DHTKD1: variants seen among roughly 807,000 people sequenced by gnomAD.
The protein encoded by DHTKD1 is dehydrogenase E1 and transketolase domain containing 1.
Under a neutral mutation model 101.8 loss-of-function variants are expected in DHTKD1, and 78 were observed. The ratio of observed to expected loss-of-function variants is 0.77; its 90% CI spans 0.64 to 0.93. The LOEUF (loss-of-function observed/expected upper bound fraction) is 0.93. Among genes scored for constraint, DHTKD1 ranks in the 40% least tolerant of loss-of-function variants. DHTKD1 has a pLI of 0.00. For missense variants in DHTKD1, 1,223 were observed against 1,161.7 expected (o/e 1.05, Z -0.77); for synonymous variants, 462 against 450.3 (o/e 1.03, Z -0.33).
Position 12,120,845 on chromosome 10 carries a change from A to G in DHTKD1, c.2717A>G (p.His906Arg). The change falls in exon 17 of 17, where the codon CAC (histidine) becomes CGC (arginine). Residue 906 changes from histidine to arginine, a missense_variant. Coordinates refer to ENST00000263035, the MANE Select transcript of DHTKD1 (RefSeq NM_018706.7). ...PVPAVGIGTV[H>R]LHQHEDILAK... ...CCCGCTGTAGGAATTGGCACAGTTC[A>G]CTTGCACCAGCATGAAGATATCCTC... 3.1e-6 allele frequency: 5 copies of G among 1,614,080 alleles called. No individual in the cohort carries two copies. Among genetic ancestry groups the G allele is most frequent in the Non-Finnish European group, 3.4e-6 (4 of 1,179,980 alleles).
intron 1 of DHTKD1, among the ~76,000 whole-genome samples, chr10:12,077,031 G>T (rs1832743669): frequency 1.4e-5 from 2 of 146,962 alleles, no homozygotes; most frequent in African/African-American, 2.5e-5. Context: ...TTTCTACATA[G>T]GATTATCACT....
At chr10:12,115,532 C>T (rs1833402723) in intron 13 of DHTKD1, among the ~76,000 whole-genome samples, 1 of 152,148 alleles carries the variant, frequency 6.6e-6, no homozygotes, top group African/African-American at 2.4e-5. Flanking sequence ...CTCACCCTAG[C>T]CTGGCCCTGG....
chr10:12,082,279 AG>A, intron 2 of DHTKD1, among the ~76,000 whole-genome samples: 1 of 152,172 alleles, frequency 6.6e-6, no homozygotes, highest in Admixed American at 6.6e-5. Context: ...ATAGCTGCTC[AG>A]TGGCAGAGGT....
chr10:12,093,477 C>G (rs1000584979), intron 6 of DHTKD1, among the ~76,000 whole-genome samples: 1 of 152,188 alleles, frequency 6.6e-6, no homozygotes, highest in Non-Finnish European at 1.5e-5. Context: ...ACCACTGTGC[C>G]AGGCTGAAAT....
At chr10:12,088,344 C>T (rs1363471650) in intron 4 of DHTKD1, among the ~76,000 whole-genome samples, 2 of 151,664 alleles carry the variant, frequency 1.3e-5, no homozygotes, top group African/African-American at 4.8e-5. Flanking sequence ...TTAGGTGGTG[C>T]ACCTATGGTT....
chr10:12,109,452 G>A (rs183240688), intron 12 of DHTKD1, among the ~76,000 whole-genome samples: 40 of 150,978 alleles, frequency 2.6e-4, no homozygotes, highest in Non-Finnish European at 1.5e-5. Context: ...ATACAGTTTC[G>A]GAGTCATCAG....
chr10:12,091,522 G>A lies in DHTKD1; in HGVS notation c.997G>A (p.Asp333Asn). The A allele has an allele frequency of 1.9e-6, 3 of 1,601,084 alleles. No individual in the cohort carries two copies. Among genetic ancestry groups the A allele is most frequent in the Non-Finnish European group, 8.5e-7 (1 of 1,173,272 alleles). ...DRVICLQVHG[D>N]ASFCGQGIVP... The stretch of plus-strand genomic sequence containing the variant: ...TTGCCTCATGATTTAGGTCCATGGT[G>A]ATGCTTCTTTCTGTGGTCAAGGGAT... The change falls in exon 6 of 17, where the codon GAT becomes AAT. Residue 333 changes from aspartate (D) to asparagine (N), a missense_variant. Coordinates refer to ENST00000263035, the MANE Select transcript of DHTKD1 (RefSeq NM_018706.7).
Position 12,069,186 on chromosome 10 carries a change from A to G in DHTKD1, c.153A>G (p.Pro51=). Residue 51 remains proline, a splice_region_variant and synonymous_variant, in exon 1 of 17, where the codon CCA becomes CCG. Coordinates refer to ENST00000263035, the MANE Select transcript of DHTKD1 (RefSeq NM_018706.7). ...CCCAGGGCGCCCTGGAGCGCCCCCC[A>G]GGTCGGGGATGGGGCCCGGGCGGTG... ...REPQGALERP[P]VDHGLARLVT... is the part of the protein sequence containing the mutation. The G allele has an allele frequency of 6.5e-7, 1 of 1,544,976 alleles. No individual in the cohort carries two copies. Among genetic ancestry groups the G allele is most frequent in the Non-Finnish European group, 8.7e-7 (1 of 1,145,986 alleles).
At chr10:12,112,184 G>A (rs528509563) in intron 12 of DHTKD1, among the ~76,000 whole-genome samples, 179 of 152,186 alleles carry the variant, frequency 1.2e-3, no homozygotes, top group African/African-American at 4.2e-3. Flanking sequence ...TGTGGTAGCA[G>A]GCACCTGTAG....
In DHTKD1 at chr10:12,100,276, T is replaced by C; in HGVS notation, c.1756+14T>C. 8.6e-7 allele frequency: 1 copy of C among 1,161,450 alleles called. No homozygotes were observed. The highest frequency in any genetic ancestry group is 1.2e-6 in the Non-Finnish European group (1 of 829,110). The allele number at this position is 1,161,450 out of a possible 1,614,324, so 71.9% of individuals were successfully genotyped here. A position where few individuals can be genotyped will look rare whatever the true frequency, so the allele number is the denominator to read the frequency against. On this transcript the variant is annotated intron_variant, in intron 9 of 16. Coordinates refer to ENST00000263035, the MANE Select transcript of DHTKD1 (RefSeq NM_018706.7). The stretch of plus-strand genomic sequence containing the variant: ...TACTTGCTCAAGGTAAGAATTTTCT[T>C]TTTTTTTTCTGTTTTTTTTTTTTTT...
At chr10:12,108,866 C>A (rs760648958) in intron 12 of DHTKD1, among the ~76,000 whole-genome samples, 9 of 152,164 alleles carry the variant, frequency 5.9e-5, no homozygotes, top group Non-Finnish European at 8.8e-5. Context: ...TAAATGGAGA[C>A]ATTAGCCGGG....
chr10:12,085,616 C>T (rs1832885255), intron 3 of DHTKD1, among the ~76,000 whole-genome samples: 1 of 152,062 alleles, frequency 6.6e-6, no homozygotes, highest in South Asian at 2.1e-4. Flanking sequence ...CAGTGGCTCG[C>T]GCCTGTCATC....
rs746665026 is a variant in DHTKD1 at position 12,118,841 on chromosome 10, T to G, written c.2495T>G (p.Ile832Ser). The G allele has an allele frequency of 1.9e-6, 3 of 1,608,858 alleles. No individual in the cohort carries two copies. The South Asian group carries it at 3.3e-5, about 18-fold the overall frequency. The change falls in exon 15 of 17, where the codon ATC becomes AGC. Residue 832 changes from isoleucine (I) to serine (S), a missense_variant. Coordinates refer to ENST00000263035, the MANE Select transcript of DHTKD1 (RefSeq NM_018706.7). ...GGGGCCAAGAAGCATGACTTTGCCATCATCCGAGTAGAGGAACTCTGCCCC... is the reference window on the plus strand; with the variant it reads ...GGGGCCAAGAAGCATGACTTTGCCAGCATCCGAGTAGAGGAACTCTGCCCC... ...SLGAKKHDFA[I>S]IRVEELCPFP...
rs1386144908 is a variant in DHTKD1, at chr10:12,081,584, C to T, written c.267C>T (p.Ile89=). The T allele has an allele frequency of 6.2e-7, 1 of 1,614,036 alleles. No individual in the cohort carries two copies. Among genetic ancestry groups the T allele is most frequent in the East Asian group, 2.2e-5 (1 of 44,886 alleles). The change falls in exon 2 of 17, where the codon ATC becomes ATT. Residue 89 remains isoleucine (I), a synonymous_variant. Transcript: ENST00000263035. The part of the protein sequence containing the change: ...GQALLENVPE[I]QALVQTLQGP... Reference sequence around the variant, plus strand: ...CCCTGCTGGAGAATGTGCCTGAAATCCAAGCCCTGGTGCAGACACTGCAGG... The same window carrying T: ...CCCTGCTGGAGAATGTGCCTGAAATTCAAGCCCTGGTGCAGACACTGCAGG...
chr10:12,082,964 G>A (rs1451436145), intron 2 of DHTKD1, among the ~76,000 whole-genome samples: 9 of 151,842 alleles, frequency 5.9e-5, no homozygotes, highest in African/African-American at 1.9e-4. Context: ...GTGAAACCCC[G>A]TCTCTACTAA....
intron 1 of DHTKD1, among the ~76,000 whole-genome samples, chr10:12,076,102 T>C (rs761843210): frequency 2.0e-5 from 3 of 152,196 alleles, no homozygotes; most frequent in Non-Finnish European, 4.4e-5. Context: ...AGAGCAGTGC[T>C]GCATATGCTA....
At chr10:12,109,977 C>T (rs555589118) in intron 12 of DHTKD1, among the ~76,000 whole-genome samples, 216 of 151,980 alleles carry the variant, frequency 1.4e-3, no homozygotes, top group South Asian at 6.4e-3. Context: ...GTCCATGGAC[C>T]ACATGCGGCT....
At chr10:12,119,431 C>A (rs569025303) in intron 15 of DHTKD1, among the ~76,000 whole-genome samples, 1 of 150,616 alleles carries the variant, frequency 6.6e-6, no homozygotes, top group South Asian at 2.1e-4. Context: ...CTGGCTAACA[C>A]AGTGAAACCC....
intron 15 of DHTKD1, among the ~76,000 whole-genome samples, chr10:12,119,417 C>T (rs529164510): frequency 1.1e-4 from 17 of 151,420 alleles, no homozygotes; most frequent in African/African-American, 3.9e-4. Context: ...AGATCAAGAC[C>T]ATCCTGGCTA....
Sources: allele counts gnomAD v4.1 joint callset (sites outside exome capture counted in the v4.1 genomes callset), GRCh38; gene constraint gnomAD v4.1.1; transcripts MANE v1.5; gene names NCBI Gene and HGNC (gene_info 2026-07-23, HGNC 2026-07-21).